INPP4B: variants seen among roughly 807,000 people sequenced by gnomAD.
The protein encoded by INPP4B is inositol polyphosphate-4-phosphatase type II B.
Under a neutral mutation model 122.5 loss-of-function variants are expected in INPP4B, and 55 were observed. That is an observed-to-expected ratio of 0.45 (90% CI 0.36 to 0.56). The LOEUF is 0.56. INPP4B is among the 20% of genes least tolerant of loss of function. The pLI is 0.00. For synonymous variants in INPP4B, 403 were observed against 388.7 expected (o/e 1.04, Z -0.43); for missense variants, 1,000 against 1,097.7 (o/e 0.91, Z 1.26).
chr4:142,629,018 C>G (rs374075264), intron 2 of INPP4B, among the ~76,000 whole-genome samples: 2 of 152,182 alleles, frequency 1.3e-5, no homozygotes, highest in African/African-American at 2.4e-5. Context: ...TATGGAAGCA[C>G]TTTCCAGCAA....
chr4:142,526,692 A>G (rs970397373), intron 2 of INPP4B, among the ~76,000 whole-genome samples: 2 of 152,076 alleles, frequency 1.3e-5, no homozygotes, highest in Non-Finnish European at 2.9e-5. Context: ...GGTTTGAAAC[A>G]TGTCACTCCT....
At chr4:142,423,496 A>G (rs1807370693) in intron 5 of INPP4B, among the ~76,000 whole-genome samples, 2 of 149,434 alleles carry the variant, frequency 1.3e-5, no homozygotes, top group African/African-American at 4.8e-5. Context: ...TTAATACATG[A>G]CCTAACAGAC....
chr4:142,234,545 T>G (rs1346345067), intron 12 of INPP4B, among the ~76,000 whole-genome samples: 1 of 152,178 alleles, frequency 6.6e-6, no homozygotes, highest in Non-Finnish European at 1.5e-5. Flanking sequence ...CAGGAAGAAT[T>G]TTAAAAATCT....
intron 9 of INPP4B, among the ~76,000 whole-genome samples, chr4:142,295,389 T>C (rs961401563): frequency 5.3e-5 from 8 of 152,062 alleles, no homozygotes; most frequent in Non-Finnish European, 8.8e-5. Context: ...GTGTGGGGAA[T>C]TGGGGGGTGA....
chr4:142,781,427 T>C (rs1161655870), intron 1 of INPP4B, among the ~76,000 whole-genome samples: 2 of 152,220 alleles, frequency 1.3e-5, no homozygotes, highest in African/African-American at 4.8e-5. Flanking sequence ...AGGGAACAGC[T>C]TTCAGTCACT....
chr4:142,656,833 GC>G (rs1409412219), intron 2 of INPP4B, among the ~76,000 whole-genome samples: 1 of 152,086 alleles, frequency 6.6e-6, no homozygotes, highest in Non-Finnish European at 1.5e-5. Flanking sequence ...ACTGGGTTAG[GC>G]CCCCCAACTA....
chr4:142,202,026 T>C (rs1484243294), intron 14 of INPP4B, among the ~76,000 whole-genome samples: 1 of 152,070 alleles, frequency 6.6e-6, no homozygotes, highest in Non-Finnish European at 1.5e-5. Flanking sequence ...ATACAGTTTT[T>C]TTTCTTTTAA....
At chr4:142,436,407 G>T (rs1043540601) in intron 3 of INPP4B, among the ~76,000 whole-genome samples, 3 of 152,176 alleles carry the variant, frequency 2.0e-5, no homozygotes. Flanking sequence ...ACGGGACAGC[G>T]AAAGTGCTTT....
At chr4:142,469,351 T>G (rs1275752031) in intron 2 of INPP4B, among the ~76,000 whole-genome samples, 1 of 152,022 alleles carries the variant, frequency 6.6e-6, no homozygotes, top group African/African-American at 2.4e-5. Context: ...TAAGGAAAAT[T>G]ATAAGAAGCT....
At position 142,387,532 on chromosome 4, in the gene INPP4B, C is replaced by T. The variant is rs564110671; in HGVS notation, c.372+15406G>A. Among the ~76,000 whole-genome samples the T allele has an allele frequency of 2.0e-5, 3 of 151,638 alleles. No individual in the cohort carries two copies. In the East Asian group the frequency reaches 5.8e-4, roughly 30 times the overall value. ...GATTTTCTTTTGTGTTGCGTTTGGC[C>T]TCCAAGGTTATATAGTGTGGCAAGC... On this transcript the variant is annotated intron_variant, in intron 7 of 25. Coordinates refer to ENST00000262992, the MANE Select transcript of INPP4B (RefSeq NM_001101669.3).
intron 2 of INPP4B, among the ~76,000 whole-genome samples, chr4:142,613,118 G>A (rs1165711331): frequency 6.6e-6 from 1 of 152,106 alleles, no homozygotes; most frequent in South Asian, 2.1e-4. Context: ...CCCATGTTGA[G>A]AACAGACATT....
At chr4:142,721,114 T>C (rs1043099765) in intron 2 of INPP4B, among the ~76,000 whole-genome samples, 5 of 151,714 alleles carry the variant, frequency 3.3e-5, no homozygotes, top group African/African-American at 1.2e-4. Context: ...GAAATAAAAA[T>C]GAGCAGATCT....
chr4:142,784,129 G>A (rs1775349489), intron 1 of INPP4B, among the ~76,000 whole-genome samples: 1 of 152,048 alleles, frequency 6.6e-6, no homozygotes, highest in East Asian at 1.9e-4. Flanking sequence ...TTGGGAGGCT[G>A]AGGCGGGCAG....
rs1460546836 is a variant in INPP4B, at chr4:142,842,550, T to G, written c.-254+3659A>C. On this transcript the variant is annotated intron_variant, in intron 1 of 25. Transcript: ENST00000262992. ...TATATTATAATATATACAATATCTA[T>G]TATATATAATATATAATATATGATA... is the stretch of plus-strand genomic sequence containing the variant. Among the ~76,000 whole-genome samples the G allele has an allele frequency of 1.2e-4, 17 of 142,102 alleles. 1 individual carries two copies. Among genetic ancestry groups the G allele is most frequent in the African/African-American group, 4.4e-4 (17 of 38,798 alleles). 93.2% of individuals were successfully genotyped at this position (142,102 alleles called of 152,430 possible).
chr4:142,446,144 AT>A (rs1812868797), intron 3 of INPP4B, among the ~76,000 whole-genome samples: 1 of 151,916 alleles, frequency 6.6e-6, no homozygotes, highest in Non-Finnish European at 1.5e-5. Flanking sequence ...GATAAAAAAA[AT>A]GTGTCATAAA....
At chr4:142,585,859 T>TTATTAA (rs1736076194) in intron 2 of INPP4B, among the ~76,000 whole-genome samples, 1 of 149,166 alleles carries the variant, frequency 6.7e-6, no homozygotes, top group Non-Finnish European at 1.5e-5. Flanking sequence ...ATTATTATTA[T>TTATTAA]TATTATTATT....
intron 25 of INPP4B, among the ~76,000 whole-genome samples, chr4:142,066,129 T>C (rs1051300904): frequency 1.3e-5 from 2 of 152,230 alleles, no homozygotes; most frequent in Admixed American, 1.3e-4. Flanking sequence ...TAATGCCCCA[T>C]GATTTAGAAT....
intron 1 of INPP4B, among the ~76,000 whole-genome samples, chr4:142,773,530 T>TGA (rs1459982143): frequency 1.3e-5 from 2 of 152,210 alleles, no homozygotes; most frequent in East Asian, 3.8e-4. Context: ...GGATATTTCT[T>TGA]GATGTGAGAT....
intron 2 of INPP4B, among the ~76,000 whole-genome samples, chr4:142,505,252 AAAAG>A (rs1049461993): frequency 6.6e-6 from 1 of 151,920 alleles, no homozygotes; most frequent in African/African-American, 2.4e-5. Flanking sequence ...AAAAAAAAAA[AAAAG>A]AAAACTGTGC....
Sources: allele counts gnomAD v4.1 joint callset (sites outside exome capture counted in the v4.1 genomes callset), GRCh38; gene constraint gnomAD v4.1.1; transcripts MANE v1.5; gene names NCBI Gene and HGNC (gene_info 2026-07-23, HGNC 2026-07-21).